Variants in AGAP1 observed in about 807,000 individuals in gnomAD.
The protein encoded by AGAP1 is ArfGAP with GTPase domain, ankyrin repeat and PH domain 1.
AGAP1 carries 29 observed loss-of-function variants against 105.3 expected under a neutral mutation model. The ratio of observed to expected loss-of-function variants is 0.28; its 90% confidence interval spans 0.21 to 0.38. The LOEUF (loss-of-function observed/expected upper bound fraction) is 0.38, where lower values mean the gene tolerates loss of function less well. AGAP1 is among the 10% of genes least tolerant of loss of function. The probability of loss-of-function intolerance (pLI) is 1.00; values close to 1 mark genes in which losing one functional copy is unlikely to be tolerated. For missense variants in AGAP1, 998 were observed against 1,165.1 expected, an observed-to-expected ratio of 0.86 and a Z score of 2.09; for synonymous variants, 509 against 485.9, an observed-to-expected ratio of 1.05 and a Z score of -0.63.
chr2:235,790,480 C>G (rs977048437), intron 6 of AGAP1, among the ~76,000 whole-genome samples: 1 of 152,172 alleles, frequency 6.6e-6, no homozygotes, highest in East Asian at 1.9e-4. Context: ...CCCCTGCACA[C>G]TCCCTTTCTT....
At chr2:235,894,129 A>G (rs1363475306) in intron 10 of AGAP1, among the ~76,000 whole-genome samples, 1 of 152,242 alleles carries the variant, frequency 6.6e-6, no homozygotes, top group African/African-American at 2.4e-5. Context: ...ATGGCAACAA[A>G]CCAACGTTGC....
rs575033103 is a variant in AGAP1, at chr2:236,060,413, GCATGATGGCT to G, written c.2114+11137_2114+11146del. 1.6e-4 allele frequency among the ~76,000 whole-genome samples: 24 copies of G among 152,238 alleles called. No homozygotes were observed. In the South Asian group the frequency reaches 4.4e-3, roughly 28 times the overall value. ...ATATATAAAGAACGGTTACAGGTGGGCATGATGGCTCATGCCTGTAACCCTAGCACTTTGG... is the reference window on the plus strand; with the variant it reads ...ATATATAAAGAACGGTTACAGGTGGGCATGCCTGTAACCCTAGCACTTTGG... On this transcript the variant is annotated intron_variant, in intron 16 of 17. Coordinates refer to ENST00000304032, the MANE Select transcript of AGAP1 (RefSeq NM_001037131.3).
intron 1 of AGAP1, among the ~76,000 whole-genome samples, chr2:235,686,550 TATATATACACACACAC>T (rs141488109): frequency 0.16 from 14,472 of 89,342 alleles, 1,219 homozygotes; most frequent in Admixed American, 0.37. Context: ...GAAGGAGATA[TATATATACACACACAC>T]ACACACACAC....
At chr2:235,995,886 G>A (rs913627507) in intron 13 of AGAP1, among the ~76,000 whole-genome samples, 1 of 152,148 alleles carries the variant, frequency 6.6e-6, no homozygotes, top group Non-Finnish European at 1.5e-5. Flanking sequence ...CCAAAAATGG[G>A]TTTGGAGGTC....
Position 235,611,850 on chromosome 2 carries a change from C to T in AGAP1, c.164-97329C>T, listed in dbSNP as rs2149255376. 6.6e-6 allele frequency among the ~76,000 whole-genome samples: 1 copy of T among 152,262 alleles called. No individual in the cohort carries two copies. Among genetic ancestry groups the T allele is most frequent in the East Asian group, 1.9e-4 (1 of 5,190 alleles). On this transcript the variant is annotated intron_variant, in intron 1 of 17. Coordinates refer to ENST00000304032, the MANE Select transcript of AGAP1 (RefSeq NM_001037131.3). This position sits in a 1 kb window ranked among gnomAD's most constrained non-coding sequence, Gnocchi z 5.0. ...ACATAGGAGACAAAGAAATCCTTCC[C>T]TCCCTGTTCCAGTTGTGGAACATAT... is the stretch of plus-strand genomic sequence containing the variant.
intron 11 of AGAP1, among the ~76,000 whole-genome samples, chr2:235,928,455 G>A (rs1559657661): frequency 6.6e-6 from 1 of 152,168 alleles, no homozygotes; most frequent in Non-Finnish European, 1.5e-5. Flanking sequence ...CTCGGGGAAC[G>A]AGCCCTGGAG....
rs759386926 is a variant in AGAP1 at position 235,905,580 on chromosome 2, ATC to A, written c.1156-3154_1156-3153del. 4.6e-5 allele frequency among the ~76,000 whole-genome samples: 7 copies of A among 151,976 alleles called. No homozygotes were observed. Among genetic ancestry groups the A allele is most frequent in the Non-Finnish European group, 1.0e-4 (7 of 68,002 alleles). ...AATGGCATGATCTCTGCTCCCTGCA[ATC>A]TCTGTCTCCCAGGTTCAAGCGATTC... is the stretch of plus-strand genomic sequence containing the variant. On this transcript the variant is annotated intron_variant, in intron 10 of 17. Transcript: ENST00000304032. The surrounding 1 kb of genome is among the most constrained non-coding windows in gnomAD (Gnocchi z 4.2).
chr2:235,871,126 G>A (rs149484255), intron 9 of AGAP1, among the ~76,000 whole-genome samples: 1 of 152,314 alleles, frequency 6.6e-6, no homozygotes, highest in East Asian at 1.9e-4. Context: ...CTCATTCTGA[G>A]ATCACAGCTA....
chr2:235,527,231 TCA>T (rs911286420), intron 1 of AGAP1, among the ~76,000 whole-genome samples: 3 of 152,098 alleles, frequency 2.0e-5, no homozygotes, highest in Non-Finnish European at 2.9e-5. Context: ...GGCAAGCATC[TCA>T]GTGTGGAGGT....
Position 235,611,578 on chromosome 2 carries a change from TGTGTAATTAGAG to T in AGAP1, c.164-97600_164-97589del, listed in dbSNP as rs1412927466. Among the ~76,000 whole-genome samples, 4 of 152,268 alleles carry T rather than the reference TGTGTAATTAGAG, an allele frequency of 2.6e-5. No homozygotes were observed. Among genetic ancestry groups the T allele is most frequent in the Non-Finnish European group, 5.9e-5 (4 of 68,028 alleles). ...GCCCAGGCCTGCAGATTACAGACGCTGTGTAATTAGAGAATCCCTCTCCACATGTGTTCTCTG... is the reference window on the plus strand; with the variant it reads ...GCCCAGGCCTGCAGATTACAGACGCTAATCCCTCTCCACATGTGTTCTCTG... On this transcript the variant is annotated intron_variant, in intron 1 of 17. Transcript: ENST00000304032. The surrounding 1 kb of genome is among the most constrained non-coding windows in gnomAD (Gnocchi z 5.0).
intron 6 of AGAP1, among the ~76,000 whole-genome samples, chr2:235,781,853 C>G (rs1303645159): frequency 6.6e-6 from 1 of 151,980 alleles, no homozygotes; most frequent in Non-Finnish European, 1.5e-5. Context: ...AGGCCTGATT[C>G]TCTAATGGAT....
At chr2:235,534,743 T>C (rs1943155206) in intron 1 of AGAP1, among the ~76,000 whole-genome samples, 1 of 152,150 alleles carries the variant, frequency 6.6e-6, no homozygotes, top group Non-Finnish European at 1.5e-5. Context: ...TGGTAGTGTG[T>C]CTTCAGCACG....
Position 235,740,819 on chromosome 2 carries a change from G to T in AGAP1, c.311-144G>T. ...CTGAGTTCGGCTCTGTTAAAATTCA[G>T]CATTTGCTGGCAACATCCTAAATAC... On this transcript the variant is annotated intron_variant, in intron 3 of 17. Coordinates refer to ENST00000304032, the MANE Select transcript of AGAP1 (RefSeq NM_001037131.3). The surrounding 1 kb of genome is among the most constrained non-coding windows in gnomAD (Gnocchi z 5.7). The T allele has an allele frequency of 1.2e-6, 1 of 849,394 alleles. No individual in the cohort carries two copies. The highest frequency in any genetic ancestry group is 1.8e-6 in the Non-Finnish European group (1 of 552,808). 52.6% of individuals were successfully genotyped at this position (849,394 alleles called of 1,614,324 possible).
At position 235,964,432 on chromosome 2, in the gene AGAP1, A is replaced by C. The variant is rs1438289411; in HGVS notation, c.1484-4030A>C. On this transcript the variant is annotated intron_variant, in intron 12 of 17. Coordinates refer to ENST00000304032, the MANE Select transcript of AGAP1 (RefSeq NM_001037131.3). The surrounding 1 kb of genome is among the most constrained non-coding windows in gnomAD (Gnocchi z 4.6). The stretch of plus-strand genomic sequence containing the variant: ...CCATGGCCTGGCACCATACCTGGCA[A>C]AGTGGGCTCCTAACACTGAATAGAG... 6.6e-6 allele frequency among the ~76,000 whole-genome samples: 1 copy of C among 152,112 alleles called. No individual in the cohort carries two copies. Among genetic ancestry groups the C allele is most frequent in the Non-Finnish European group, 1.5e-5 (1 of 68,026 alleles).
chr2:235,797,537 G>A (rs192249657), intron 6 of AGAP1, among the ~76,000 whole-genome samples: 3 of 151,074 alleles, frequency 2.0e-5, no homozygotes, highest in African/African-American at 7.3e-5. Context: ...CAGAGCTTGT[G>A]TACCTGGCCA....
At chr2:235,871,296 C>T (rs930098511) in intron 9 of AGAP1, among the ~76,000 whole-genome samples, 2 of 152,166 alleles carry the variant, frequency 1.3e-5, no homozygotes, top group African/African-American at 4.8e-5. Flanking sequence ...TTCCCTGGAC[C>T]TCCTCTCTCT....
Position 235,888,891 on chromosome 2 carries a change from T to G in AGAP1, c.1155+5442T>G, listed in dbSNP as rs538171548. On this transcript the variant is annotated intron_variant, in intron 10 of 17. Coordinates refer to ENST00000304032, the MANE Select transcript of AGAP1 (RefSeq NM_001037131.3). This position sits in a 1 kb window ranked among gnomAD's most constrained non-coding sequence, Gnocchi z 4.8. ...GTGGGGAGCTCTGGCTTTCAGTTCC[T>G]TTGCACACTGTGGAAGCAGGAGACT... Among the ~76,000 whole-genome samples, 1 of 152,252 alleles carries G rather than the reference T, an allele frequency of 6.6e-6. No homozygotes were observed. Among genetic ancestry groups the G allele is most frequent in the African/African-American group, 2.4e-5 (1 of 41,540 alleles).
intron 2 of AGAP1, among the ~76,000 whole-genome samples, chr2:235,713,850 G>A (rs1217022720): frequency 6.6e-6 from 1 of 152,178 alleles, no homozygotes; most frequent in Non-Finnish European, 1.5e-5. Flanking sequence ...CCTGCTTGCT[G>A]GTTCGTAGGT....
intron 1 of AGAP1, among the ~76,000 whole-genome samples, chr2:235,650,954 C>T (rs1207845969): frequency 6.6e-6 from 1 of 151,864 alleles, no homozygotes; most frequent in Admixed American, 6.6e-5. Context: ...CTGAGGCAGA[C>T]AGATCACTTG....
Sources: allele counts gnomAD v4.1 joint callset (sites outside exome capture counted in the v4.1 genomes callset), GRCh38; gene constraint gnomAD v4.1.1; non-coding constraint Gnocchi (gnomAD v3.1); transcripts MANE v1.5; gene names NCBI Gene and HGNC (gene_info 2026-07-23, HGNC 2026-07-21).